Variants in QTMAN observed in about 807,000 individuals in gnomAD.
QTMAN encodes tRNA-queuosine alpha-mannosyltransferase.
the QTMAN span, among the ~76,000 whole-genome samples, chr2:144,100,865 T>C: frequency 8.0e-6 from 1 of 124,928 alleles, no homozygotes; most frequent in South Asian, 3.0e-4. Context: ...CTTTCTTTTT[T>C]TTTTTTTTTT....
the QTMAN span, among the ~76,000 whole-genome samples, chr2:144,290,754 C>T: frequency 6.6e-6 from 1 of 152,178 alleles, no homozygotes; most frequent in Non-Finnish European, 1.5e-5. Flanking sequence ...TATTCCCTCA[C>T]CTCCTTCAAT....
chr2:144,183,990 T>G, the QTMAN span, among the ~76,000 whole-genome samples: 1 of 152,174 alleles, frequency 6.6e-6, no homozygotes, highest in South Asian at 2.1e-4. Flanking sequence ...AGTGGCGTGA[T>G]TGAGCGGCAA....
the QTMAN span, chr2:144,145,497 C>A: frequency 3.7e-6 from 4 of 1,066,782 alleles, no homozygotes; most frequent in South Asian, 6.4e-5. Flanking sequence ...TAGTAGGTCT[C>A]CAGATTTAAA....
chr2:144,000,679 T>C, the QTMAN span, among the ~76,000 whole-genome samples: 16 of 152,144 alleles, frequency 1.1e-4, no homozygotes, highest in Admixed American at 7.2e-4. Flanking sequence ...AAAGCATCTA[T>C]GGAATCATCT....
the QTMAN span, among the ~76,000 whole-genome samples, chr2:143,948,044 A>G: frequency 1.3e-5 from 2 of 152,328 alleles, no homozygotes; most frequent in Non-Finnish European, 2.9e-5. Flanking sequence ...GTTTAAGGAA[A>G]AAGTAAGGAC....
chr2:144,053,322 T>C, the QTMAN span, among the ~76,000 whole-genome samples: 2 of 152,196 alleles, frequency 1.3e-5, no homozygotes, highest in Non-Finnish European at 2.9e-5. Context: ...AGATCATCTA[T>C]TGCCAATCTT....
chr2:144,258,052 T>G, the QTMAN span, among the ~76,000 whole-genome samples: 2 of 151,494 alleles, frequency 1.3e-5, no homozygotes, highest in East Asian at 1.9e-4. Flanking sequence ...AATCATAGAT[T>G]AAAGCCACCA....
At chr2:144,091,164 A>T in the QTMAN span, among the ~76,000 whole-genome samples, 1 of 148,082 alleles carries the variant, frequency 6.8e-6, no homozygotes, top group Non-Finnish European at 1.5e-5. Context: ...TCTATATGTT[A>T]AAAAAAAAAA....
At chr2:144,122,075 TA>T in the QTMAN span, among the ~76,000 whole-genome samples, 2 of 152,020 alleles carry the variant, frequency 1.3e-5, no homozygotes, top group Non-Finnish European at 2.9e-5. Context: ...ATAATGAAAA[TA>T]GTAGAGGAAC....
chr2:144,046,220 C>T, the QTMAN span, among the ~76,000 whole-genome samples: 14 of 152,194 alleles, frequency 9.2e-5, no homozygotes, highest in African/African-American at 3.4e-4. Flanking sequence ...AGAAATGATG[C>T]TAATATTATC....
At chr2:143,947,926 G>A in the QTMAN span, among the ~76,000 whole-genome samples, 2 of 151,980 alleles carry the variant, frequency 1.3e-5, no homozygotes, top group African/African-American at 2.4e-5. Flanking sequence ...GCAGAGGAGG[G>A]AGAGAGAGAA....
At chr2:144,256,702 G>A in the QTMAN span, among the ~76,000 whole-genome samples, 138 of 152,084 alleles carry the variant, frequency 9.1e-4, no homozygotes, top group African/African-American at 3.1e-3. Context: ...GCCCATCGGC[G>A]GGTGGAGGGA....
At chr2:144,300,051 A>G in the QTMAN span, among the ~76,000 whole-genome samples, 2 of 152,362 alleles carry the variant, frequency 1.3e-5, no homozygotes, top group East Asian at 3.9e-4. Context: ...AACTTATATG[A>G]GGTACCTAGA....
the QTMAN span, among the ~76,000 whole-genome samples, chr2:144,024,282 A>C: frequency 1.2e-4 from 18 of 152,272 alleles, no homozygotes. Context: ...GTGGTAAATA[A>C]ATGAGCAAAA....
the QTMAN span, among the ~76,000 whole-genome samples, chr2:143,978,533 A>G: frequency 1.1e-4 from 17 of 152,222 alleles, no homozygotes; most frequent in Admixed American, 5.2e-4. Context: ...TTGCCAATGA[A>G]TTCCCTTTCT....
the QTMAN span, among the ~76,000 whole-genome samples, chr2:144,099,493 A>C: frequency 3.5e-3 from 529 of 152,302 alleles, 1 homozygote; most frequent in Non-Finnish European, 4.9e-3. Flanking sequence ...GGTATGAGGG[A>C]AAAACAAGTA....
chr2:144,328,220 A>C, the QTMAN span, among the ~76,000 whole-genome samples: 1 of 152,154 alleles, frequency 6.6e-6, no homozygotes, highest in Admixed American at 6.5e-5. Context: ...CAAAGTGCTG[A>C]GATTACAAGC....
the QTMAN span, among the ~76,000 whole-genome samples, chr2:144,237,798 T>C: frequency 2.0e-5 from 3 of 152,156 alleles, no homozygotes; most frequent in African/African-American, 4.8e-5. Flanking sequence ...GCAGTGAAAG[T>C]GACAGTGTCT....
chr2:144,249,940 T>C, the QTMAN span, among the ~76,000 whole-genome samples: 1 of 152,082 alleles, frequency 6.6e-6, no homozygotes, highest in Non-Finnish European at 1.5e-5. Context: ...TTCTAGAAAA[T>C]GTAAACCAAT....
Sources: allele counts gnomAD v4.1 joint callset (sites outside exome capture counted in the v4.1 genomes callset), GRCh38; gene constraint gnomAD v4.1.1; transcripts MANE v1.5; gene names NCBI Gene and HGNC (gene_info 2026-07-23, HGNC 2026-07-21).